RELN: variants seen among roughly 807,000 people sequenced by gnomAD.
RELN encodes reelin.
A neutral mutation model predicts 427.6 loss-of-function variants in RELN; 108 were observed. That is an observed-to-expected ratio of 0.25 (90% CI 0.22 to 0.30). The LOEUF is 0.30. Ranked by LOEUF, RELN falls within the 10% of genes least tolerant of loss-of-function variation. The pLI, the probability that RELN is intolerant of heterozygous loss-of-function variation, is 1.00. For synonymous variants in RELN, 1,524 were observed against 1,513.4 expected (o/e 1.01, Z -0.16); for missense variants, 3,715 against 4,302.8 (o/e 0.86, Z 3.82).
In RELN at chr7:103,710,757, C is replaced by T. The variant is rs527618803; in HGVS notation, c.806-9751G>A. ...TCACAGGAAAGGTGATTTGAGAGTACATGGCCAGCCGGGCGTGGTGGCTCA... is the reference window on the plus strand; with the variant it reads ...TCACAGGAAAGGTGATTTGAGAGTATATGGCCAGCCGGGCGTGGTGGCTCA... On this transcript the variant is annotated intron_variant, in intron 8 of 64. Coordinates refer to ENST00000428762, the MANE Select transcript of RELN (RefSeq NM_005045.4). Among the ~76,000 whole-genome samples the T allele has an allele frequency of 3.3e-5, 5 of 152,218 alleles. No individual in the cohort carries two copies. The South Asian group carries it at 1.0e-3, about 32-fold the overall frequency.
intron 28 of RELN, among the ~76,000 whole-genome samples, chr7:103,583,082 G>A (rs1359119722): frequency 3.3e-5 from 5 of 152,178 alleles, no homozygotes; most frequent in Admixed American, 3.3e-4. Context: ...TTTACAGGCT[G>A]TGGGGGGAAA....
chr7:103,579,673 T>C (rs1459213198), intron 28 of RELN, among the ~76,000 whole-genome samples: 3 of 152,136 alleles, frequency 2.0e-5, no homozygotes, highest in Non-Finnish European at 4.4e-5. Context: ...TTTTGTTGTT[T>C]TGCGTGTCCC....
At chr7:103,562,901 C>T (rs1229499628) in intron 34 of RELN, among the ~76,000 whole-genome samples, 2 of 152,188 alleles carry the variant, frequency 1.3e-5, no homozygotes, top group Non-Finnish European at 2.9e-5. Flanking sequence ...GGCTCCAGAC[C>T]TCCTACTTCT....
chr7:103,592,528 T>C (rs117957455), intron 27 of RELN, among the ~76,000 whole-genome samples: 2,436 of 152,258 alleles, frequency 0.016, 33 homozygotes, highest in Non-Finnish European at 0.026. Flanking sequence ...TGATTTATAC[T>C]TCTTTGAGTA....
intron 2 of RELN, among the ~76,000 whole-genome samples, chr7:103,895,887 G>A (rs1048754638): frequency 2.6e-5 from 4 of 151,840 alleles, no homozygotes; most frequent in African/African-American, 4.8e-5. Context: ...AAGGCAACAT[G>A]GAGAAAAAAG....
Position 103,832,916 on chromosome 7 carries a change from G to A in RELN, c.473+621C>T, listed in dbSNP as rs141657984. Among the ~76,000 whole-genome samples, 848 of 152,014 alleles carry A rather than the reference G, an allele frequency of 5.6e-3. 12 individuals are homozygous for A. Among genetic ancestry groups the A allele is most frequent in the African/African-American group, 0.02 (814 of 41,460 alleles). On this transcript the variant is annotated intron_variant, in intron 3 of 64. Coordinates refer to ENST00000428762, the MANE Select transcript of RELN (RefSeq NM_005045.4). ...AAGGCCTTATAGCATTTTGTAACCC[G>A]TCTTCACCATATTTTCTGAACATTC...
In RELN at chr7:103,935,612, C is replaced by T. The variant is rs187864059; in HGVS notation, c.227-18427G>A. 3.2e-4 allele frequency among the ~76,000 whole-genome samples: 49 copies of T among 152,262 alleles called. No individual in the cohort carries two copies. The East Asian group carries it at 9.3e-3, about 29-fold the overall frequency. On this transcript the variant is annotated intron_variant, in intron 1 of 64. Transcript: ENST00000428762. ...TACATGCCAAAGGATCCCAAATCTCCCTCCTTTAAGCTCCAGCTTAACTCC... is the reference window on the plus strand; with the variant it reads ...TACATGCCAAAGGATCCCAAATCTCTCTCCTTTAAGCTCCAGCTTAACTCC...
intron 45 of RELN, among the ~76,000 whole-genome samples, chr7:103,536,462 C>T (rs1830054119): frequency 6.6e-6 from 1 of 152,134 alleles, no homozygotes; most frequent in African/African-American, 2.4e-5. Flanking sequence ...TCCTGAGTCT[C>T]CCTACCAGAG....
intron 16 of RELN, among the ~76,000 whole-genome samples, chr7:103,647,174 C>T (rs1463045356): frequency 6.6e-6 from 1 of 152,030 alleles, no homozygotes; most frequent in Non-Finnish European, 1.5e-5. Flanking sequence ...ACTTTCACCA[C>T]TCCTATTCAA....
chr7:103,657,655 A>G (rs1053245148), intron 12 of RELN, among the ~76,000 whole-genome samples: 4 of 152,116 alleles, frequency 2.6e-5, no homozygotes, highest in African/African-American at 4.8e-5. Flanking sequence ...AGAATGGCAG[A>G]AGAAAAAAGT....
At position 103,883,467 on chromosome 7, in the gene RELN, C is replaced by T. The variant is rs181894551; in HGVS notation, c.337+33608G>A. 2.8e-4 allele frequency among the ~76,000 whole-genome samples: 42 copies of T among 152,222 alleles called. No homozygotes were observed. The South Asian group carries it at 2.9e-3, about 11-fold the overall frequency. ...GCAAGAGAAAGAAATAAGGGGTGTTCGAATAGGAAAAGAGGAAGTCAAACT... is the reference window on the plus strand; with the variant it reads ...GCAAGAGAAAGAAATAAGGGGTGTTTGAATAGGAAAAGAGGAAGTCAAACT... On this transcript the variant is annotated intron_variant, in intron 2 of 64. Coordinates refer to ENST00000428762, the MANE Select transcript of RELN (RefSeq NM_005045.4).
intron 55 of RELN, 58 bp downstream of exon 55, chr7:103,497,762 G>T (rs1828883111): frequency 8.9e-6 from 12 of 1,342,596 alleles, no homozygotes; most frequent in Non-Finnish European, 1.3e-5. Context: ...TTTTCTGAGG[G>T]TGTTGGATGG....
intron 18 of RELN, 49 bp from the exon 19 acceptor site, chr7:103,635,635 AT>A: frequency 6.6e-7 from 1 of 1,506,280 alleles, no homozygotes; most frequent in Non-Finnish European, 9.2e-7. Context: ...ATTTTTAATC[AT>A]AATGTTCATT....
At chr7:103,741,544 GA>G (rs1050105478) in intron 6 of RELN, among the ~76,000 whole-genome samples, 4 of 151,404 alleles carry the variant, frequency 2.6e-5, no homozygotes, top group Admixed American at 1.3e-4. Flanking sequence ...TATCACAAGA[GA>G]AAAAAAGGAG....
In RELN at chr7:103,728,101, A is replaced by T; in HGVS notation, c.753+10T>A. On this transcript the variant is annotated intron_variant, in intron 7 of 64. Transcript: ENST00000428762. ...TAATGGAATAATGTACATGAATAGC[A>T]CATACTTACCAGTTCTCGTGGGCCA... 1 of 1,612,786 alleles carries T rather than the reference A, an allele frequency of 6.2e-7. No homozygotes were observed. Among genetic ancestry groups the T allele is most frequent in the Non-Finnish European group, 8.5e-7 (1 of 1,178,962 alleles).
chr7:103,913,670 T>A (rs1795419182), intron 2 of RELN, among the ~76,000 whole-genome samples: 1 of 152,294 alleles, frequency 6.6e-6, no homozygotes, highest in South Asian at 2.1e-4. Context: ...TAAACTTAGA[T>A]CAAATACCCC....
chr7:103,672,399 T>A (rs928025043), intron 11 of RELN, among the ~76,000 whole-genome samples: 2 of 152,198 alleles, frequency 1.3e-5, no homozygotes, highest in Non-Finnish European at 2.9e-5. Flanking sequence ...TCAGGACTTC[T>A]ATGAAGGAGC....
rs192573748 is a variant in RELN at position 103,814,276 on chromosome 7, A to G, written c.473+19261T>C. On this transcript the variant is annotated intron_variant, in intron 3 of 64. Coordinates refer to ENST00000428762, the MANE Select transcript of RELN (RefSeq NM_005045.4). ...CAATGAACCTAGCAGAGTGGATGGC[A>G]ACAGAGAGAAGACATTTAGAGAGTT... Among the ~76,000 whole-genome samples, 448 of 152,332 alleles carry G rather than the reference A, an allele frequency of 2.9e-3. 3 individuals carry two copies. The highest frequency in any genetic ancestry group is 0.01 in the African/African-American group (434 of 41,584).
At chr7:103,660,035 GA>G in intron 12 of RELN, among the ~76,000 whole-genome samples, 1 of 151,966 alleles carries the variant, frequency 6.6e-6, no homozygotes, top group East Asian at 1.9e-4. Flanking sequence ...CTTTGTTCCA[GA>G]AAAAATTAAA....
Sources: allele counts gnomAD v4.1 joint callset (sites outside exome capture counted in the v4.1 genomes callset), GRCh38; gene constraint gnomAD v4.1.1; transcripts MANE v1.5; gene names NCBI Gene and HGNC (gene_info 2026-07-23, HGNC 2026-07-21).